The following PIP4K2C variants were observed in gnomAD, a reference collection of about 807,000 sequenced individuals.
PIP4K2C encodes the protein phosphatidylinositol 5-phosphate 4-kinase type-2 gamma.
Under a neutral mutation model 45.0 loss-of-function variants are expected in PIP4K2C, and 21 were observed. The ratio of observed to expected loss-of-function variants is 0.47; its 90% CI spans 0.33 to 0.67. The LOEUF (loss-of-function observed/expected upper bound fraction) is 0.67, where lower values mean the gene tolerates loss of function less well. Ranked by LOEUF, PIP4K2C falls within the 30% of genes least tolerant of loss-of-function variation. The pLI, the probability that PIP4K2C is intolerant of heterozygous loss-of-function variation, is 0.02. For synonymous variants in PIP4K2C, 201 were observed against 204.8 expected, an observed-to-expected ratio of 0.98 and a Z score of 0.16; for missense variants, 456 against 542.8, an observed-to-expected ratio of 0.84 and a Z score of 1.59.
chr12:57,597,760 C>T (rs116516984), intron 4 of PIP4K2C, among the ~76,000 whole-genome samples: 490 of 152,094 alleles, frequency 3.2e-3, no homozygotes, highest in African/African-American at 0.011. Flanking sequence ...ATACGGGATT[C>T]GACGACAGAG....
chr12:57,601,143 G>C (rs746221705), intron 8 of PIP4K2C, 65 bp downstream of exon 8: 1 of 1,600,526 alleles, frequency 6.2e-7, no homozygotes. Context: ...AGACCAGAGT[G>C]CTGGGGGAGA....
At position 57,591,469 on chromosome 12, in the gene PIP4K2C, A is replaced by G; in HGVS notation, c.174+6A>G. Reference sequence around the variant, plus strand: ...TGTGGGGCGTAGCCCACTCGGTGAGAACCAGCCCTAGACCCCCGCAGCCCT... The same window carrying G: ...TGTGGGGCGTAGCCCACTCGGTGAGGACCAGCCCTAGACCCCCGCAGCCCT... On this transcript the variant is annotated splice_donor_region_variant and intron_variant, in intron 1 of 9. Transcript: ENST00000354947. 6.2e-7 allele frequency: 1 copy of G among 1,608,860 alleles called. No individual in the cohort carries two copies.
At chr12:57,599,324 G>C in intron 5 of PIP4K2C, 76 bp from the exon 6 acceptor site, 1 of 1,607,124 alleles carries the variant, frequency 6.2e-7, no homozygotes, top group Non-Finnish European at 8.5e-7. Flanking sequence ...CTGGGTTTGA[G>C]TACTCATCTT....
In PIP4K2C at chr12:57,603,149, C is replaced by T. The variant is rs1883518818; in HGVS notation, c.*1543C>T. ...GAGTACCCAGTTAGGGGTTGGAGCCCCCATATAACATCTTCCTGTCAGAAG... is the reference window on the plus strand; with the variant it reads ...GAGTACCCAGTTAGGGGTTGGAGCCTCCATATAACATCTTCCTGTCAGAAG... On this transcript the variant is annotated 3_prime_UTR_variant, in exon 10 of 10. Coordinates refer to ENST00000354947, the MANE Select transcript of PIP4K2C (RefSeq NM_024779.5). 1 of 152,526 alleles carries T rather than the reference C, an allele frequency of 6.6e-6. No homozygotes were observed. 9.4% of individuals were successfully genotyped at this position (152,526 alleles called of 1,614,324 possible). A position where few individuals can be genotyped will look rare whatever the true frequency, so the allele number is the denominator to read the frequency against.
chr12:57,596,802 G>GA (rs1883215032), intron 4 of PIP4K2C, among the ~76,000 whole-genome samples: 1 of 152,216 alleles, frequency 6.6e-6, no homozygotes, highest in Admixed American at 6.5e-5. Flanking sequence ...TACAATAGTA[G>GA]AAGTCTGTAC....
At chr12:57,596,990 T>TAC (rs754909062) in intron 4 of PIP4K2C, among the ~76,000 whole-genome samples, 203 of 152,268 alleles carry the variant, frequency 1.3e-3, no homozygotes, top group Admixed American at 2.2e-3. Context: ...ACAGCACTTG[T>TAC]AAGGCACAGA....
chr12:57,597,882 A>C (rs1015325419), intron 4 of PIP4K2C: 2 of 152,166 alleles, frequency 1.3e-5, no homozygotes, highest in African/African-American at 4.8e-5. Context: ...CAATGACTAG[A>C]ATACTTACTA....
chr12:57,596,141 A>C (rs1883185507), intron 4 of PIP4K2C, 110 bp downstream of exon 4: 1 of 1,306,290 alleles, frequency 7.7e-7, no homozygotes, highest in Admixed American at 1.9e-5. Flanking sequence ...GGAAGAGAGA[A>C]TCCATAATCA....
At chr12:57,592,613 T>C (rs1201442797) in intron 1 of PIP4K2C, among the ~76,000 whole-genome samples, 1 of 152,146 alleles carries the variant, frequency 6.6e-6, no homozygotes, top group African/African-American at 2.4e-5. Flanking sequence ...CTGCCTCTCA[T>C]ATGTACCTTC....
At chr12:57,599,460 AGGGTGAG>A (rs1401374206) in intron 6 of PIP4K2C, 22 bp downstream of exon 6, 1 of 1,613,906 alleles carries the variant, frequency 6.2e-7, no homozygotes, top group African/African-American at 1.3e-5. Context: ...TTTATGTGCT[AGGGTGAG>A]GGATGAGGGA....
At chr12:57,596,257 G>A (rs1406556370) in intron 4 of PIP4K2C, among the ~76,000 whole-genome samples, 2 of 152,078 alleles carry the variant, frequency 1.3e-5, no homozygotes, top group Admixed American at 1.3e-4. Context: ...AGGCTGAGGC[G>A]GGAGGATCAC....
rs765521321 is a variant in PIP4K2C, at chr12:57,591,298, C to G, written c.9C>G (p.Ser3=). 1 of 1,609,878 alleles carries G rather than the reference C, an allele frequency of 6.2e-7. No individual in the cohort carries two copies. Among genetic ancestry groups the G allele is most frequent in the South Asian group, 1.1e-5 (1 of 90,834 alleles). Reference sequence around the variant, plus strand: ...CGGTTGCGCGGGAGACTATGGCGTCCTCCTCGGTCCCACCAGCCACGGTAT... The same window carrying G: ...CGGTTGCGCGGGAGACTATGGCGTCGTCCTCGGTCCCACCAGCCACGGTAT... MA[S]SSVPPATVSA... is the part of the protein sequence containing the mutation. The change falls in exon 1 of 10, where the codon TCC becomes TCG. Residue 3 remains serine (S), a synonymous_variant. Coordinates refer to ENST00000354947, the MANE Select transcript of PIP4K2C (RefSeq NM_024779.5).
chr12:57,594,175 A>G (rs1883094419), intron 2 of PIP4K2C, 53 bp downstream of exon 2: 1 of 1,409,392 alleles, frequency 7.1e-7, no homozygotes, highest in Admixed American at 2.3e-5. Context: ...AAGGAGTAAT[A>G]AATAATTTTA....
chr12:57,593,718 T>C (rs1221684785), intron 1 of PIP4K2C, among the ~76,000 whole-genome samples: 4 of 109,656 alleles, frequency 3.6e-5, no homozygotes, highest in Non-Finnish European at 7.0e-5. Flanking sequence ...CTAGAATTTC[T>C]CACAGCTTTA....
chr12:57,596,104 A>G, intron 4 of PIP4K2C, 73 bp downstream of exon 4: 2 of 1,508,396 alleles, frequency 1.3e-6, no homozygotes, highest in Non-Finnish European at 1.8e-6. Context: ...TGTCAGTAAT[A>G]GATGCCAACT....
rs1293044357 is a variant in PIP4K2C at position 57,603,218 on chromosome 12, T to C, written c.*1612T>C. The C allele has an allele frequency of 6.5e-6, 1 of 152,684 alleles. No homozygotes were observed. The highest frequency in any genetic ancestry group is 6.5e-5 in the Admixed American group (1 of 15,284). 9.5% of individuals were successfully genotyped at this position (152,684 alleles called of 1,614,324 possible). ...TTCCAACCATCTCCCTTTCCCCCGA[T>C]GAATGCAATAAAACTCTGTGACACC... On this transcript the variant is annotated 3_prime_UTR_variant, in exon 10 of 10. Transcript: ENST00000354947.
intron 7 of PIP4K2C, 71 bp downstream of exon 7, chr12:57,600,508 C>T: frequency 9.3e-7 from 1 of 1,078,652 alleles, no homozygotes; most frequent in Admixed American, 1.9e-5. Flanking sequence ...CTCTTTCATT[C>T]ACGGTATGAG....
chr12:57,597,207 T>C (rs1281575841), intron 4 of PIP4K2C, among the ~76,000 whole-genome samples: 1 of 152,214 alleles, frequency 6.6e-6, no homozygotes, highest in Non-Finnish European at 1.5e-5. Context: ...TTTTAGAGAA[T>C]GGATTGGTGG....
intron 7 of PIP4K2C, 65 bp from the exon 8 acceptor site, chr12:57,600,746 G>A: frequency 6.3e-7 from 1 of 1,592,944 alleles, no homozygotes; most frequent in Non-Finnish European, 8.6e-7. Context: ...AAAGGTACAG[G>A]TACAGGGGTG....
Sources: gnomAD v4.1 joint callset for allele counts (sites outside exome capture counted in the v4.1 genomes callset) on GRCh38, gnomAD v4.1.1 for gene constraint, MANE v1.5 for transcripts, NCBI Gene and HGNC (gene_info 2026-07-23, HGNC 2026-07-21) for gene names.